NR6A1: variants seen among roughly 807,000 people sequenced by gnomAD.
The protein encoded by NR6A1 is retinoic acid receptor-related testis-associated receptor.
NR6A1 carries 7 observed loss-of-function variants against 59.1 expected under a neutral mutation model. The ratio of observed to expected loss-of-function variants is 0.12; its 90% confidence interval spans 0.07 to 0.22. The LOEUF (loss-of-function observed/expected upper bound fraction) is 0.22, where lower values mean the gene tolerates loss of function less well. NR6A1 is among the 10% of genes least tolerant of loss of function. The pLI, the probability that NR6A1 is intolerant of heterozygous loss-of-function variation, is 1.00. For synonymous variants in NR6A1, 243 were observed against 236.1 expected, an observed-to-expected ratio of 1.03 and a Z score of -0.27; for missense variants, 468 against 611.6, an observed-to-expected ratio of 0.77 and a Z score of 2.48.
chr9:124,716,953 A>C (rs1298937227), intron 2 of NR6A1, among the ~76,000 whole-genome samples: 1 of 152,200 alleles, frequency 6.6e-6, no homozygotes, highest in African/African-American at 2.4e-5. Flanking sequence ...ATTTACCAAA[A>C]GATTTGAACA....
intron 2 of NR6A1, among the ~76,000 whole-genome samples, chr9:124,556,397 C>T (rs1833926591): frequency 6.6e-6 from 1 of 152,082 alleles, no homozygotes; most frequent in Admixed American, 6.5e-5. Context: ...AACCGATTCT[C>T]CCCTAGAGCT....
intron 2 of NR6A1, among the ~76,000 whole-genome samples, chr9:124,566,647 C>T (rs1834249278): frequency 6.6e-6 from 1 of 152,172 alleles, no homozygotes; most frequent in Non-Finnish European, 1.5e-5. Flanking sequence ...CTAGAAAGGG[C>T]TTGCTGACCG....
chr9:124,677,662 C>G (rs894069085), intron 2 of NR6A1, among the ~76,000 whole-genome samples: 1 of 151,984 alleles, frequency 6.6e-6, no homozygotes, highest in Admixed American at 6.6e-5. Flanking sequence ...AACTACTATC[C>G]AGATCAAAAT....
In NR6A1 at chr9:124,535,895, G is replaced by A. The variant is rs530534854; in HGVS notation, c.1062C>T (p.Ser354=). 89 of 1,614,214 alleles carry A rather than the reference G, an allele frequency of 5.5e-5. No individual in the cohort carries two copies. In the East Asian group the frequency reaches 9.1e-4, roughly 17 times the overall value. Reference sequence around the variant, plus strand: ...GGCCTCACCTGTGTAGTTCTTCATCGGAGGGCGAGTACTTGGCAGTGACAT... The same window carrying A: ...GGCCTCACCTGTGTAGTTCTTCATCAGAGGGCGAGTACTTGGCAGTGACAT... ...LADVTAKYSP[S]DEELHRFSDE... is the part of the protein sequence containing the mutation. The change falls in exon 7 of 10, where the codon TCC becomes TCT. Residue 354 remains serine, a synonymous_variant. Transcript: ENST00000487099.
At chr9:124,745,241 C>T (rs1490319065) in intron 1 of NR6A1, among the ~76,000 whole-genome samples, 1 of 146,462 alleles carries the variant, frequency 6.8e-6, no homozygotes, top group African/African-American at 2.5e-5. Flanking sequence ...AGGTATATTC[C>T]AATACATATA....
rs529284605 is a variant in NR6A1 at position 124,680,057 on chromosome 9, C to T, written c.142+53251G>A. Among the ~76,000 whole-genome samples the T allele has an allele frequency of 5.9e-4, 90 of 151,616 alleles. 1 individual carries two copies. In the South Asian group the frequency reaches 0.018, roughly 30 times the overall value. ...TATACATTATATGTAATTATACATA[C>T]AGTCAAATGTGTTTATGTGTCTGTG... is the stretch of plus-strand genomic sequence containing the variant. On this transcript the variant is annotated intron_variant, in intron 2 of 9. Transcript: ENST00000487099.
intron 2 of NR6A1, chr9:124,598,658 A>C (rs1466314095): frequency 2.0e-5 from 8 of 391,808 alleles, no homozygotes; most frequent in South Asian, 3.7e-5. Flanking sequence ...AAAAAAAAAA[A>C]AAAAAAAAAA....
chr9:124,616,720 A>T (rs371941707), intron 2 of NR6A1, among the ~76,000 whole-genome samples: 63 of 152,346 alleles, frequency 4.1e-4, no homozygotes, highest in East Asian at 3.9e-3. Flanking sequence ...CCAGGCAAAG[A>T]TGCCCTAATA....
At chr9:124,610,400 G>A (rs188514790) in intron 2 of NR6A1, among the ~76,000 whole-genome samples, 5 of 152,232 alleles carry the variant, frequency 3.3e-5, no homozygotes, top group African/African-American at 7.2e-5. Flanking sequence ...GATGAATTAC[G>A]TTTATTGATT....
At chr9:124,580,680 C>T (rs1834738021) in intron 2 of NR6A1, among the ~76,000 whole-genome samples, 2 of 152,058 alleles carry the variant, frequency 1.3e-5, no homozygotes, top group African/African-American at 2.4e-5. Flanking sequence ...AGTAGCCAGC[C>T]ATGGTGGCTC....
intron 2 of NR6A1, among the ~76,000 whole-genome samples, chr9:124,662,981 G>T (rs1837492954): frequency 6.6e-6 from 1 of 152,162 alleles, no homozygotes; most frequent in Admixed American, 6.5e-5. Flanking sequence ...GAAATACAAT[G>T]ATAAGAAGCC....
intron 2 of NR6A1, among the ~76,000 whole-genome samples, chr9:124,609,891 C>A (rs562363208): frequency 5.1e-4 from 78 of 152,266 alleles, no homozygotes; most frequent in South Asian, 1.5e-3. Context: ...GGAACTCATT[C>A]ATGACTTGGC....
intron 2 of NR6A1, among the ~76,000 whole-genome samples, chr9:124,684,488 C>CA (rs1262295750): frequency 1.1e-4 from 17 of 152,186 alleles, no homozygotes; most frequent in Admixed American, 1.1e-3. Flanking sequence ...GAAATACCTT[C>CA]AAGACACAAG....
At chr9:124,646,712 G>A (rs901498188) in intron 2 of NR6A1, among the ~76,000 whole-genome samples, 3 of 152,108 alleles carry the variant, frequency 2.0e-5, no homozygotes, top group Non-Finnish European at 2.9e-5. Flanking sequence ...GAAAGTTTAC[G>A]AACTTGTGTT....
rs144972696 is a variant in NR6A1, at chr9:124,674,312, A to G, written c.142+58996T>C. Among the ~76,000 whole-genome samples the G allele has an allele frequency of 6.1e-4, 93 of 152,342 alleles. 1 individual carries two copies. The South Asian group carries it at 0.018, about 30-fold the overall frequency. ...ACCCCTTACACTCTTTGGGAACTCC[A>G]TATCATTCAGTATCAAACTGAGTAT... On this transcript the variant is annotated intron_variant, in intron 2 of 9. Coordinates refer to ENST00000487099, the MANE Select transcript of NR6A1 (RefSeq NM_033334.4).
At chr9:124,649,275 CAGAAT>C (rs1317021472) in intron 2 of NR6A1, among the ~76,000 whole-genome samples, 1 of 130,998 alleles carries the variant, frequency 7.6e-6, no homozygotes, top group African/African-American at 2.9e-5. Flanking sequence ...ACCGATGGAA[CAGAAT>C]AGAGAACCCA....
chr9:124,553,066 G>A (rs1458215837), intron 3 of NR6A1, among the ~76,000 whole-genome samples: 2 of 152,054 alleles, frequency 1.3e-5, no homozygotes, highest in Non-Finnish European at 2.9e-5. Flanking sequence ...ACTTAATCCC[G>A]TAGAGAACTC....
chr9:124,576,528 C>G (rs1834599952), intron 2 of NR6A1, among the ~76,000 whole-genome samples: 1 of 152,152 alleles, frequency 6.6e-6, no homozygotes, highest in Non-Finnish European at 1.5e-5. Context: ...ACCTCATGAT[C>G]TGCCCACCTT....
intron 9 of NR6A1, among the ~76,000 whole-genome samples, chr9:124,523,877 C>G (rs992365005): frequency 1.3e-5 from 2 of 152,134 alleles, no homozygotes; most frequent in Non-Finnish European, 1.5e-5. Flanking sequence ...CAGGAAGAAT[C>G]CCGGTCTATA....
Sources: allele counts gnomAD v4.1 joint callset (sites outside exome capture counted in the v4.1 genomes callset), GRCh38; gene constraint gnomAD v4.1.1; transcripts MANE v1.5; gene names NCBI Gene and HGNC (gene_info 2026-07-23, HGNC 2026-07-21).